Variants in CSGALNACT1 observed in about 807,000 individuals in gnomAD.
CSGALNACT1 encodes chondroitin sulfate N-acetylgalactosaminyltransferase 1.
CSGALNACT1 carries 52 observed loss-of-function variants against 51.0 expected under a neutral mutation model. That is an observed-to-expected ratio of 1.02 (90% confidence interval 0.82 to 1.29). The LOEUF (loss-of-function observed/expected upper bound fraction) is 1.29, where lower values mean the gene tolerates loss of function less well. CSGALNACT1 is among the 50% of genes most tolerant of loss of function. CSGALNACT1 has a pLI of 0.00. For synonymous variants in CSGALNACT1, 341 were observed against 254.4 expected, an observed-to-expected ratio of 1.34 and a Z score of -3.24; for missense variants, 935 against 679.2, an observed-to-expected ratio of 1.38 and a Z score of -4.19.
At chr8:19,419,968 T>C (rs959186331) in intron 7 of CSGALNACT1, among the ~76,000 whole-genome samples, 13 of 152,166 alleles carry the variant, frequency 8.5e-5, no homozygotes, top group African/African-American at 2.2e-4. Flanking sequence ...GTACTCATGA[T>C]AGTAAATAAG....
chr8:19,404,679 G>A (rs1440771570), exon 10 of CSGALNACT1: 1 of 453,578 alleles, frequency 2.2e-6, no homozygotes, highest in Non-Finnish European at 4.4e-6. Context: ...ACCCTGTTTT[G>A]AAAAGAGATT....
At chr8:19,671,237 C>T (rs1009516376) in intron 1 of CSGALNACT1, among the ~76,000 whole-genome samples, 3 of 152,168 alleles carry the variant, frequency 2.0e-5, no homozygotes, top group African/African-American at 7.2e-5. Context: ...ATGCCAGACC[C>T]TGAAGGTTCT....
chr8:19,573,061 G>C (rs555888141), intron 3 of CSGALNACT1, among the ~76,000 whole-genome samples: 3 of 152,300 alleles, frequency 2.0e-5, no homozygotes, highest in East Asian at 3.9e-4. Context: ...AACTGGAAGT[G>C]GGTTTTTCAC....
intron 3 of CSGALNACT1, among the ~76,000 whole-genome samples, chr8:19,523,301 G>C (rs2081079452): frequency 6.6e-6 from 1 of 152,184 alleles, no homozygotes; most frequent in African/African-American, 2.4e-5. Context: ...TTCTCACTCT[G>C]TCACCTAGGC....
chr8:19,676,084 T>TAAAAAAAAAAAAA (rs148674039), intron 1 of CSGALNACT1, among the ~76,000 whole-genome samples: 33 of 106,196 alleles, frequency 3.1e-4, no homozygotes, highest in African/African-American at 1.1e-3. Flanking sequence ...TTGTCTGATT[T>TAAAAAAAAAAAAA]AAAAAACAAA....
At chr8:19,449,871 G>C (rs904330227) in intron 5 of CSGALNACT1, among the ~76,000 whole-genome samples, 1 of 151,600 alleles carries the variant, frequency 6.6e-6, no homozygotes, top group Non-Finnish European at 1.5e-5. Context: ...TTTCCCCTCA[G>C]AGAGGCTCAG....
chr8:19,550,323 A>C (rs376000547), intron 3 of CSGALNACT1, among the ~76,000 whole-genome samples: 9 of 152,038 alleles, frequency 5.9e-5, no homozygotes, highest in African/African-American at 1.4e-4. Flanking sequence ...GGACTTCTTA[A>C]AGTGAGCCTC....
intron 3 of CSGALNACT1, among the ~76,000 whole-genome samples, chr8:19,579,735 A>G (rs1020832587): frequency 6.6e-6 from 1 of 152,264 alleles, no homozygotes; most frequent in African/African-American, 2.4e-5. Flanking sequence ...TTTAACCTAA[A>G]AACAGTTATG....
intron 6 of CSGALNACT1, among the ~76,000 whole-genome samples, chr8:19,431,809 T>C (rs1193607291): frequency 8.9e-6 from 1 of 112,586 alleles, no homozygotes; most frequent in Non-Finnish European, 2.0e-5. Context: ...GAAAGTTCTT[T>C]TTTCTTTTTT....
intron 3 of CSGALNACT1, among the ~76,000 whole-genome samples, chr8:19,507,204 G>A (rs528937853): frequency 5.8e-4 from 88 of 152,288 alleles, no homozygotes; most frequent in Non-Finnish European, 1.1e-3. Context: ...ATGAGGATGG[G>A]AGAAGAAGAG....
At chr8:19,422,784 C>G (rs912754960) in intron 6 of CSGALNACT1, among the ~76,000 whole-genome samples, 2 of 152,196 alleles carry the variant, frequency 1.3e-5, no homozygotes, top group African/African-American at 4.8e-5. Flanking sequence ...CAGGTCAACC[C>G]ATTTTTCCCT....
chr8:19,547,537 C>G (rs2086764248), intron 3 of CSGALNACT1, among the ~76,000 whole-genome samples: 1 of 152,136 alleles, frequency 6.6e-6, no homozygotes. Flanking sequence ...GCTCTCGTTT[C>G]TTTGCACTTG....
At chr8:19,756,624 T>G (rs2065396888) in intron 1 of CSGALNACT1, among the ~76,000 whole-genome samples, 1 of 148,264 alleles carries the variant, frequency 6.7e-6, no homozygotes, top group African/African-American at 2.5e-5. Context: ...TGCCCACCGA[T>G]CGCACGTCCC....
At chr8:19,527,834 A>G (rs2082003441) in intron 3 of CSGALNACT1, among the ~76,000 whole-genome samples, 1 of 152,190 alleles carries the variant, frequency 6.6e-6, no homozygotes, top group African/African-American at 2.4e-5. Context: ...CCTCTGAAGC[A>G]TCCAGGCGGA....
intron 1 of CSGALNACT1, among the ~76,000 whole-genome samples, chr8:19,703,332 C>G (rs958754477): frequency 6.6e-6 from 1 of 152,108 alleles, no homozygotes; most frequent in East Asian, 1.9e-4. Flanking sequence ...GAGACGCCAT[C>G]TCACTCTGTC....
chr8:19,610,198 G>A (rs1409471394), intron 1 of CSGALNACT1, among the ~76,000 whole-genome samples: 3 of 148,424 alleles, frequency 2.0e-5, no homozygotes, highest in Non-Finnish European at 3.0e-5. Context: ...GCTGAGGCAG[G>A]AGAATTGCTT....
chr8:19,577,000 G>T (rs776138011), intron 3 of CSGALNACT1, among the ~76,000 whole-genome samples: 10 of 151,712 alleles, frequency 6.6e-5, no homozygotes, highest in Non-Finnish European at 1.3e-4. Flanking sequence ...CAACCCTCTC[G>T]CCCTCCACAC....
At chr8:19,462,792 T>G (rs2065832021) in intron 4 of CSGALNACT1, among the ~76,000 whole-genome samples, 1 of 152,144 alleles carries the variant, frequency 6.6e-6, no homozygotes, top group Non-Finnish European at 1.5e-5. Flanking sequence ...TGATTTGGGA[T>G]CCCTTAATTT....
chr8:19,512,988 C>T (rs975550401), intron 3 of CSGALNACT1, among the ~76,000 whole-genome samples: 1 of 152,158 alleles, frequency 6.6e-6, no homozygotes, highest in Non-Finnish European at 1.5e-5. Context: ...CAGTCATTGT[C>T]TTTGCAGCCA....
Sources: gnomAD v4.1 joint callset for allele counts (sites outside exome capture counted in the v4.1 genomes callset) on GRCh38, gnomAD v4.1.1 for gene constraint, MANE v1.5 for transcripts, NCBI Gene and HGNC (gene_info 2026-07-23, HGNC 2026-07-21) for gene names.